DNAH7: variants seen among roughly 807,000 people sequenced by gnomAD.
DNAH7 encodes the protein dynein axonemal heavy chain 7.
Under a neutral mutation model 444.6 loss-of-function variants are expected in DNAH7, and 397 were observed. The observed-to-expected ratio is 0.89, with a 90% CI of 0.82 to 0.97. The LOEUF is 0.97. Ranked by LOEUF, DNAH7 falls within the 50% of genes least tolerant of loss-of-function variation. The probability of loss-of-function intolerance (pLI) is 0.00; values close to 1 mark genes in which losing one functional copy is unlikely to be tolerated. For synonymous variants in DNAH7, 1,636 were observed against 1,624.4 expected (o/e 1.01, Z -0.17); for missense variants, 4,902 against 4,800.8 (o/e 1.02, Z -0.62).
intron 29 of DNAH7, among the ~76,000 whole-genome samples, chr2:195,895,779 G>C (rs1702272705): frequency 6.6e-6 from 1 of 151,968 alleles, no homozygotes; most frequent in African/African-American, 2.4e-5. Context: ...GCATTGTCTA[G>C]ACTTTAATAT....
At chr2:196,047,794 TATG>T (rs1483748491) in intron 4 of DNAH7, among the ~76,000 whole-genome samples, 1 of 151,778 alleles carries the variant, frequency 6.6e-6, no homozygotes, top group Non-Finnish European at 1.5e-5. Flanking sequence ...ACATTAAAAT[TATG>T]ATAAAAACAG....
Position 195,934,601 on chromosome 2 carries a change from G to C in DNAH7, c.3461C>G (p.Ser1154Cys). ...AGTATAATCAGCTACCTTGTGGATG[G>C]AGTTAATCATAACTCTCTCTAATTC... is the stretch of plus-strand genomic sequence containing the variant. Reference protein sequence around the residue: ...LVELERVMINSIHKVTGDATF... With the variant: ...LVELERVMINCIHKVTGDATF... Residue 1154 changes from serine (S) to cysteine (C), a missense_variant, in exon 21 of 65, where the codon TCC becomes TGC. Physicochemically the swap from Ser to Cys is moderately radical, Grantham distance 112. Coordinates refer to ENST00000312428, the MANE Select transcript of DNAH7 (RefSeq NM_018897.3). 2 of 1,613,982 alleles carry C rather than the reference G, an allele frequency of 1.2e-6. No homozygotes were observed. Among genetic ancestry groups the C allele is most frequent in the South Asian group, 1.1e-5 (1 of 91,072 alleles).
chr2:195,771,139 C>T (rs966467465), intron 61 of DNAH7, among the ~76,000 whole-genome samples: 2 of 151,696 alleles, frequency 1.3e-5, no homozygotes, highest in East Asian at 1.9e-4. Flanking sequence ...AGCAGGATGG[C>T]GAGACCCCAT....
chr2:195,857,482 T>A lies in DNAH7; in HGVS notation c.8309A>T (p.Lys2770Ile), dbSNP rs1320427579. The part of the protein sequence containing the change: ...IPPAYMNIIR[K>I]NYIPNPDFVP... ...AAAATCTGGATTTGGAATATAATTT[T>A]TTCTTATGATATTCATATAAGCTGG... The change falls in exon 44 of 65, where the codon AAA becomes ATA. Residue 2770 changes from lysine (K) to isoleucine (I), a missense_variant. Transcript: ENST00000312428. 2.5e-6 allele frequency: 4 copies of A among 1,613,678 alleles called. No homozygotes were observed. Among genetic ancestry groups the A allele is most frequent in the Non-Finnish European group, 3.4e-6 (4 of 1,179,844 alleles).
intron 45 of DNAH7, among the ~76,000 whole-genome samples, chr2:195,855,143 GAATA>G (rs1474042122): frequency 1.3e-5 from 2 of 152,158 alleles, no homozygotes; most frequent in African/African-American, 4.8e-5. Context: ...GTTATTGTGA[GAATA>G]AATAGTATAA....
At position 196,047,462 on chromosome 2, in the gene DNAH7, T is replaced by C; in HGVS notation, c.288A>G (p.Leu96=). The change falls in exon 5 of 65, where the codon TTA becomes TTG. Residue 96 remains leucine, a synonymous_variant. Coordinates refer to ENST00000312428, the MANE Select transcript of DNAH7 (RefSeq NM_018897.3). ...YMERFGKKGK[L]PHQVDDSYVG... ...CATAACTATCATCAACTTGGTGGGG[T>C]AATTTGCCCTTTTTTCCAAAACGTT... The C allele has an allele frequency of 3.1e-6, 5 of 1,600,390 alleles. No individual in the cohort carries two copies. The highest frequency in any genetic ancestry group is 2.6e-6 in the Non-Finnish European group (3 of 1,172,448).
At chr2:195,985,668 A>G (rs1300605146) in intron 14 of DNAH7, among the ~76,000 whole-genome samples, 4 of 152,204 alleles carry the variant, frequency 2.6e-5, no homozygotes, top group Admixed American at 2.0e-4. Context: ...GGCAAGAGGC[A>G]TAATTAGGAG....
chr2:195,934,743 C>T lies in DNAH7; in HGVS notation c.3319G>A (p.Glu1107Lys), dbSNP rs768598751. The T allele has an allele frequency of 6.2e-7, 1 of 1,614,090 alleles. No individual in the cohort carries two copies. The highest frequency in any genetic ancestry group is 1.1e-5 in the South Asian group (1 of 91,084). ...KKCFEGIAKV[E>K]FTETLDITHM... is the part of the protein sequence containing the mutation. ...GTAATGTCTAAAGTTTCCGTAAATT[C>T]TACCTTTGCGATTCCTTCAAAACAT... Residue 1107 changes from glutamate to lysine, a missense_variant, in exon 21 of 65, where the codon GAA (glutamate) becomes AAA (lysine). By Grantham distance (56) the Glu-to-Lys change is moderately conservative (BLOSUM62 1). Transcript: ENST00000312428.
intron 64 of DNAH7, among the ~76,000 whole-genome samples, chr2:195,738,888 CAG>C (rs1239730362): frequency 6.6e-6 from 1 of 152,150 alleles, no homozygotes; most frequent in African/African-American, 2.4e-5. Flanking sequence ...GGTCAAAACA[CAG>C]ATTGTTGAAG....
At chr2:195,926,633 C>G (rs1574791521) in intron 21 of DNAH7, 67 bp from the exon 22 acceptor site, 2 of 1,400,324 alleles carry the variant, frequency 1.4e-6, no homozygotes, top group African/African-American at 2.9e-5. Context: ...GAGAGCTAAA[C>G]TAAACTAGAT....
At chr2:195,800,040 T>C (rs1464914142) in intron 54 of DNAH7, among the ~76,000 whole-genome samples, 2 of 152,208 alleles carry the variant, frequency 1.3e-5, no homozygotes, top group African/African-American at 2.4e-5. Flanking sequence ...TTGGTGTCTC[T>C]GTTAATTGGT....
At chr2:196,044,940 T>C (rs1697005923) in intron 5 of DNAH7, among the ~76,000 whole-genome samples, 2 of 151,796 alleles carry the variant, frequency 1.3e-5, no homozygotes, top group Non-Finnish European at 2.9e-5. Flanking sequence ...AGTCAGGTGT[T>C]GTGGCACGTG....
intron 63 of DNAH7, among the ~76,000 whole-genome samples, chr2:195,741,324 G>C (rs1396209336): frequency 6.6e-6 from 1 of 152,158 alleles, no homozygotes; most frequent in Non-Finnish European, 1.5e-5. Context: ...GAGTTAAATT[G>C]CTCCTCCCCT....
At chr2:196,065,720 C>A (rs1383375548) in intron 1 of DNAH7, among the ~76,000 whole-genome samples, 1 of 152,202 alleles carries the variant, frequency 6.6e-6, no homozygotes, top group South Asian at 2.1e-4. Flanking sequence ...AGGAAGCTAC[C>A]ATTCCAAGCG....
At chr2:195,799,076 C>T (rs1696317976) in intron 55 of DNAH7, among the ~76,000 whole-genome samples, 7 of 152,000 alleles carry the variant, frequency 4.6e-5, no homozygotes, top group Admixed American at 4.6e-4. Flanking sequence ...CACTTAAATC[C>T]CAATTCTAGT....
chr2:195,759,971 C>T (rs1694272758), intron 61 of DNAH7, among the ~76,000 whole-genome samples: 1 of 152,170 alleles, frequency 6.6e-6, no homozygotes, highest in Non-Finnish European at 1.5e-5. Context: ...ATCCACTGCA[C>T]CTGATCTAAC....
chr2:195,804,486 A>G (rs1402428868), intron 54 of DNAH7, among the ~76,000 whole-genome samples: 1 of 152,180 alleles, frequency 6.6e-6, no homozygotes, highest in East Asian at 1.9e-4. Context: ...ACCACGATAG[A>G]CTGAGTTTAG....
intron 51 of DNAH7, among the ~76,000 whole-genome samples, chr2:195,812,951 A>C (rs1055461438): frequency 1.4e-4 from 22 of 152,226 alleles, no homozygotes; most frequent in Admixed American, 7.9e-4. Context: ...TTAACAACAA[A>C]AAAAAGATTA....
chr2:195,812,418 G>C (rs781002180), intron 51 of DNAH7, among the ~76,000 whole-genome samples: 3 of 152,128 alleles, frequency 2.0e-5, no homozygotes, highest in Non-Finnish European at 4.4e-5. Flanking sequence ...TATTTGTACA[G>C]CAACAGATTG....
Sources: allele counts gnomAD v4.1 joint callset (sites outside exome capture counted in the v4.1 genomes callset), GRCh38; gene constraint gnomAD v4.1.1; transcripts MANE v1.5; gene names NCBI Gene and HGNC (gene_info 2026-07-23, HGNC 2026-07-21).